The following FGF14 variants were observed in gnomAD, a reference collection of about 807,000 sequenced individuals.
FGF14 encodes the protein fibroblast growth factor homologous factor 4.
FGF14 carries 5 observed loss-of-function variants against 25.5 expected under a neutral mutation model. The ratio of observed to expected loss-of-function variants is 0.20; its 90% confidence interval spans 0.10 to 0.41. The LOEUF (loss-of-function observed/expected upper bound fraction) is 0.41, where lower values mean the gene tolerates loss of function less well. Ranked by LOEUF, FGF14 falls within the 10% of genes least tolerant of loss-of-function variation. The pLI, the probability that FGF14 is intolerant of heterozygous loss-of-function variation, is 1.00. For synonymous variants in FGF14, 138 were observed against 118.3 expected, an observed-to-expected ratio of 1.17 and a Z score of -1.08; for missense variants, 222 against 320.1, an observed-to-expected ratio of 0.69 and a Z score of 2.34.
At chr13:102,122,832 A>G (rs2045789717) in intron 1 of FGF14, among the ~76,000 whole-genome samples, 1 of 152,214 alleles carries the variant, frequency 6.6e-6, no homozygotes, top group Non-Finnish European at 1.5e-5. Flanking sequence ...GATCCCCCAG[A>G]TAACTCTGTA....
At chr13:101,946,363 C>CAT (rs1417299907) in intron 1 of FGF14, among the ~76,000 whole-genome samples, 1 of 91,950 alleles carries the variant, frequency 1.1e-5, no homozygotes, top group Non-Finnish European at 2.3e-5. Flanking sequence ...GCTTCTCCAT[C>CAT]AAAAAAAAAA....
intron 1 of FGF14, among the ~76,000 whole-genome samples, chr13:102,201,790 A>G (rs778904879): frequency 5.3e-5 from 8 of 152,198 alleles, no homozygotes; most frequent in Non-Finnish European, 1.0e-4. Context: ...CAGGGATTGA[A>G]AACTAAAGAA....
chr13:101,969,391 G>C (rs768985020), intron 1 of FGF14, among the ~76,000 whole-genome samples: 1 of 152,026 alleles, frequency 6.6e-6, no homozygotes. Context: ...GTGAATCCCC[G>C]TCTCTACTAA....
chr13:102,071,483 A>T (rs1157159634), intron 1 of FGF14, among the ~76,000 whole-genome samples: 1 of 152,072 alleles, frequency 6.6e-6, no homozygotes, highest in African/African-American at 2.4e-5. Flanking sequence ...TATTTGTTTT[A>T]CTTTTCCTCC....
At chr13:102,141,158 A>C (rs868207944) in intron 1 of FGF14, among the ~76,000 whole-genome samples, 59 of 152,188 alleles carry the variant, frequency 3.9e-4, no homozygotes, top group African/African-American at 1.3e-3. Context: ...CCAGGGGAGG[A>C]TTCTAGTTGG....
In FGF14 at chr13:101,715,247, A is replaced by G. The variant is rs906075392; in HGVS notation, c.*7584T>C. The G allele has an allele frequency of 8.3e-6, 2 of 239,910 alleles. No individual in the cohort carries two copies. The highest frequency in any genetic ancestry group is 4.5e-5 in the African/African-American group (2 of 44,210). The allele number at this position is 239,910 out of a possible 1,614,324, so 14.9% of individuals were successfully genotyped here. ...GTCAAAGAGCCTTATGTTTTTCTGT[A>G]TTTATTCATAAGTCAGATATAACTT... is the stretch of plus-strand genomic sequence containing the variant. On this transcript the variant is annotated 3_prime_UTR_variant, in exon 5 of 5. Coordinates refer to ENST00000376143, the MANE Select transcript of FGF14 (RefSeq NM_004115.4).
intron 1 of FGF14, among the ~76,000 whole-genome samples, chr13:102,122,317 A>T (rs1399686071): frequency 1.3e-5 from 2 of 152,198 alleles, no homozygotes; most frequent in Non-Finnish European, 2.9e-5. Context: ...AGGCTCGTCA[A>T]ACTGGATTAT....
chr13:102,271,424 C>T (rs894745250), intron 1 of FGF14, among the ~76,000 whole-genome samples: 1 of 152,084 alleles, frequency 6.6e-6, no homozygotes, highest in Non-Finnish European at 1.5e-5. Flanking sequence ...AACTCTGAGC[C>T]ACGCACCTCC....
chr13:101,888,515 C>G (rs1273389771), intron 1 of FGF14, among the ~76,000 whole-genome samples: 1 of 152,090 alleles, frequency 6.6e-6, no homozygotes, highest in East Asian at 1.9e-4. Context: ...AATTATGTGA[C>G]TTTAGGTAAT....
rs2034695465 is a variant in FGF14, at chr13:101,715,801, G to A, written c.*7030C>T. 7.6e-6 allele frequency: 4 copies of A among 528,328 alleles called. No homozygotes were observed. Among genetic ancestry groups the A allele is most frequent in the South Asian group, 3.3e-5 (1 of 30,764 alleles). The allele number at this position is 528,328 out of a possible 1,614,324, so 32.7% of individuals were successfully genotyped here. On this transcript the variant is annotated 3_prime_UTR_variant, in exon 5 of 5. Coordinates refer to ENST00000376143, the MANE Select transcript of FGF14 (RefSeq NM_004115.4). The stretch of plus-strand genomic sequence containing the variant: ...TTTCTGAATTACGAATGAAATCCGA[G>A]TACCTATTAGAAATGAGTTATGCAA...
chr13:102,391,338 G>A (rs965162113), intron 1 of FGF14, among the ~76,000 whole-genome samples: 17 of 152,298 alleles, frequency 1.1e-4, no homozygotes, highest in East Asian at 5.8e-4. Flanking sequence ...ACTAACTATA[G>A]CATTCATGTC....
intron 1 of FGF14, among the ~76,000 whole-genome samples, chr13:101,922,900 T>TA (rs924954608): frequency 1.3e-4 from 20 of 151,996 alleles, no homozygotes; most frequent in African/African-American, 4.8e-4. Flanking sequence ...CATTGATATA[T>TA]ATATTAAATT....
At chr13:102,368,220 T>C (rs2057774426) in intron 1 of FGF14, among the ~76,000 whole-genome samples, 1 of 152,234 alleles carries the variant, frequency 6.6e-6, no homozygotes. Context: ...GTACATAAAA[T>C]AATACTTATT....
chr13:102,150,215 T>C (rs2047022371), intron 1 of FGF14, among the ~76,000 whole-genome samples: 1 of 152,080 alleles, frequency 6.6e-6, no homozygotes. Flanking sequence ...AAGGCAGAGA[T>C]GTGGCTGGAC....
upstream of FGF14, among the ~76,000 whole-genome samples, chr13:101,919,477 T>C (rs1049356164): frequency 1.3e-5 from 2 of 152,016 alleles, no homozygotes; most frequent in African/African-American, 2.4e-5. Flanking sequence ...CTTGTTCTTA[T>C]AGCCGTGCCT....
At chr13:102,144,243 T>G (rs1057066177) in intron 1 of FGF14, among the ~76,000 whole-genome samples, 1 of 152,126 alleles carries the variant, frequency 6.6e-6, no homozygotes, top group African/African-American at 2.4e-5. Context: ...ATTAAAAAAT[T>G]TTTAAAAATC....
rs2034796941 is a variant in FGF14 at position 101,718,222 on chromosome 13, GTGTA to G, written c.*4605_*4608del. The stretch of plus-strand genomic sequence containing the variant: ...ACTTATTTCTGTCCACTATGTTTGT[GTGTA>G]TGTGTGTGTTTGTGTGTGTATGTGT... On this transcript the variant is annotated 3_prime_UTR_variant, in exon 5 of 5. Transcript: ENST00000376143. 1 of 152,090 alleles carries G rather than the reference GTGTA, an allele frequency of 6.6e-6. No homozygotes were observed. The highest frequency in any genetic ancestry group is 1.5e-5 in the Non-Finnish European group (1 of 68,002). The allele number at this position is 152,090 out of a possible 1,614,324, so 9.4% of individuals were successfully genotyped here.
intron 1 of FGF14, among the ~76,000 whole-genome samples, chr13:102,025,955 TAG>T (rs2040903412): frequency 6.6e-6 from 1 of 152,018 alleles, no homozygotes; most frequent in South Asian, 2.1e-4. Context: ...CATTTGTAAA[TAG>T]AGTTAATTTT....
At chr13:102,341,125 C>T (rs1380170388) in intron 1 of FGF14, among the ~76,000 whole-genome samples, 2 of 152,004 alleles carry the variant, frequency 1.3e-5, no homozygotes, top group African/African-American at 4.8e-5. Context: ...AAAAGACTCC[C>T]CTAGCCTGGG....
Sources: allele counts gnomAD v4.1 joint callset (sites outside exome capture counted in the v4.1 genomes callset), GRCh38; gene constraint gnomAD v4.1.1; transcripts MANE v1.5; gene names NCBI Gene and HGNC (gene_info 2026-07-23, HGNC 2026-07-21).